The following GSTA3 variants were observed in gnomAD, a reference collection of about 807,000 sequenced individuals.
GSTA3 encodes the protein glutathione S-transferase A3.
A neutral mutation model predicts 23.1 loss-of-function variants in GSTA3; 16 were observed. That is an observed-to-expected ratio of 0.69 (90% confidence interval 0.47 to 1.05). The LOEUF is 1.05. Ranked by LOEUF, GSTA3 falls within the 50% of genes least tolerant of loss-of-function variation. The probability of loss-of-function intolerance (pLI) is 0.00; values close to 1 mark genes in which losing one functional copy is unlikely to be tolerated. For missense variants in GSTA3, 319 were observed against 263.6 expected, an observed-to-expected ratio of 1.21 and a Z score of -1.46; for synonymous variants, 122 against 91.0, an observed-to-expected ratio of 1.34 and a Z score of -1.94.
intron 6 of GSTA3, among the ~76,000 whole-genome samples, chr6:52,897,452 C>A (rs761896096): frequency 1.1e-4 from 16 of 152,090 alleles, no homozygotes; most frequent in African/African-American, 3.4e-4. Flanking sequence ...AAGGAAGGAA[C>A]CAGATGGAAA....
Position 52,900,066 on chromosome 6 carries a change from C to T in GSTA3, c.282G>A (p.Met94Ile). The T allele has an allele frequency of 6.2e-7, 1 of 1,600,714 alleles. No individual in the cohort carries two copies. Among genetic ancestry groups the T allele is most frequent in the Non-Finnish European group, 8.5e-7 (1 of 1,175,970 alleles). Residue 94 changes from methionine (M) to isoleucine (I), a missense_variant, in exon 5 of 7, where the codon ATG (methionine) becomes ATA (isoleucine). Met to Ile is a conservative substitution (Grantham distance 10, BLOSUM62 1). Coordinates refer to ENST00000211122, the MANE Select transcript of GSTA3 (RefSeq NM_000847.5). ...KDIKERALID[M>I]YTEGMADLNE... The stretch of plus-strand genomic sequence containing the variant: ...TCAAATCTGCCATACCTTCTGTATA[C>T]ATATCAATTCTGAAAGACAAAAACA...
intron 3 of GSTA3, among the ~76,000 whole-genome samples, chr6:52,903,058 T>C (rs1765747944): frequency 6.6e-6 from 1 of 152,202 alleles, no homozygotes; most frequent in East Asian, 1.9e-4. Context: ...TGTGGGATCC[T>C]GAGCTGATGA....
In GSTA3 at chr6:52,907,783, T is replaced by C. The variant is rs1475008140; in HGVS notation, c.-22+1858A>G. ...GGTGGGAATTGAACAATGAGAACAC[T>C]TGGACACAGGAAGGGGAATATCACA... On this transcript the variant is annotated intron_variant, in intron 1 of 6. Transcript: ENST00000211122. Among the ~76,000 whole-genome samples the C allele has an allele frequency of 4.6e-5, 6 of 131,612 alleles. No individual in the cohort carries two copies. In the South Asian group the frequency reaches 7.1e-4, roughly 16 times the overall value. The allele number at this position is 131,612 out of a possible 152,430, so 86.3% of individuals were successfully genotyped here. A position where few individuals can be genotyped will look rare whatever the true frequency, so the allele number is the denominator to read the frequency against.
Position 52,896,758 on chromosome 6 carries a change from A to G in GSTA3, c.*48T>C. 6.2e-7 allele frequency: 1 copy of G among 1,609,314 alleles called. No homozygotes were observed. The highest frequency in any genetic ancestry group is 1.3e-5 in the African/African-American group (1 of 74,646). On this transcript the variant is annotated 3_prime_UTR_variant, in exon 7 of 7. Coordinates refer to ENST00000211122, the MANE Select transcript of GSTA3 (RefSeq NM_000847.5). The stretch of plus-strand genomic sequence containing the variant: ...AAGTAAAGCACTTCATTGTTGCAAA[A>G]CTTTAGAATATTGGTCTTGCATGTT...
chr6:52,900,547 C>T (rs1444415692), intron 4 of GSTA3, among the ~76,000 whole-genome samples: 3 of 152,242 alleles, frequency 2.0e-5, no homozygotes, highest in Middle Eastern at 6.8e-3. Context: ...TAGGGGTGAG[C>T]CACCATGCCT....
At position 52,908,454 on chromosome 6, in the gene GSTA3, G is replaced by A. The variant is rs554325391; in HGVS notation, c.-22+1187C>T. Among the ~76,000 whole-genome samples, 113 of 152,268 alleles carry A rather than the reference G, an allele frequency of 7.4e-4. 3 individuals are homozygous for A. The South Asian group carries it at 0.022, about 30-fold the overall frequency. ...CACTTGAGCCCAAGATGTTAAGGCTGCAGTGAAACATGGCCACATCACTGC... is the reference window on the plus strand; with the variant it reads ...CACTTGAGCCCAAGATGTTAAGGCTACAGTGAAACATGGCCACATCACTGC... On this transcript the variant is annotated intron_variant, in intron 1 of 6. Coordinates refer to ENST00000211122, the MANE Select transcript of GSTA3 (RefSeq NM_000847.5).
In GSTA3 at chr6:52,899,954, A is replaced by G; in HGVS notation, c.394T>C (p.Tyr132His). 1 of 1,614,122 alleles carries G rather than the reference A, an allele frequency of 6.2e-7. No individual in the cohort carries two copies. ...CCTACTTTTTCGAAGGCAGGGAAAT[A>G]GCGACTTTTTGTTTTCTCTTTGATC... The part of the protein sequence containing the change: ...ALIKEKTKSR[Y>H]FPAFEKVLQS... Residue 132 changes from tyrosine (Y) to histidine (H), a missense_variant, in exon 5 of 7, where the codon TAT (tyrosine) becomes CAT (histidine). Coordinates refer to ENST00000211122, the MANE Select transcript of GSTA3 (RefSeq NM_000847.5).
intron 6 of GSTA3, among the ~76,000 whole-genome samples, chr6:52,897,591 C>T (rs546274082): frequency 7.2e-5 from 11 of 152,240 alleles, no homozygotes; most frequent in South Asian, 2.1e-4. Flanking sequence ...GGGTCCTTTC[C>T]GTGATAAAAG....
At chr6:52,906,948 C>A (rs1194200551) in intron 1 of GSTA3, among the ~76,000 whole-genome samples, 1 of 149,324 alleles carries the variant, frequency 6.7e-6, no homozygotes, top group Non-Finnish European at 1.5e-5. Flanking sequence ...GCAACAAAAG[C>A]CAAAATTGAC....
intron 2 of GSTA3, among the ~76,000 whole-genome samples, chr6:52,904,386 T>C (rs1765818363): frequency 6.6e-6 from 1 of 152,196 alleles, no homozygotes; most frequent in Non-Finnish European, 1.5e-5. Context: ...GCAGAGCTGA[T>C]GTCTGGGTGA....
In GSTA3 at chr6:52,905,899, C is replaced by T. The variant is rs901880905; in HGVS notation, c.-21-44G>A. The T allele has an allele frequency of 3.3e-5, 32 of 961,124 alleles. No individual in the cohort carries two copies. In the South Asian group the frequency reaches 3.7e-4, roughly 11 times the overall value. 59.5% of individuals were successfully genotyped at this position (961,124 alleles called of 1,614,324 possible). On this transcript the variant is annotated intron_variant, in intron 1 of 6. Coordinates refer to ENST00000211122, the MANE Select transcript of GSTA3 (RefSeq NM_000847.5). Reference sequence around the variant, plus strand: ...TGCATGAATGGATGAATGAATGAGTCTAGAGAAGCAAAATGCACGCTAGTA... The same window carrying T: ...TGCATGAATGGATGAATGAATGAGTTTAGAGAAGCAAAATGCACGCTAGTA...
rs759509466 is a variant in GSTA3, at chr6:52,896,945, A to G, written c.547-17T>C. 6 of 1,613,578 alleles carry G rather than the reference A, an allele frequency of 3.7e-6. No homozygotes were observed. The highest frequency in any genetic ancestry group is 5.1e-6 in the Non-Finnish European group (6 of 1,179,760). On this transcript the variant is annotated splice_polypyrimidine_tract_variant and intron_variant, in intron 6 of 6. Transcript: ENST00000211122. ...TTTCAGGGCCTGTAATTCACAAAGC[A>G]CAGCCTCAGAGTGAAGCCAAGGTCT...
In GSTA3 at chr6:52,896,850, C is replaced by T. The variant is rs766210649; in HGVS notation, c.625G>A (p.Asp209Asn). Residue 209 changes from aspartate to asparagine, a missense_variant, in exon 7 of 7, where the codon GAT (aspartate) becomes AAT (asparagine). Transcript: ENST00000211122. ...CTGGCTTCTTCTAAAGCTTTTGCAT[C>T]TGCGGGAGGCTTCCTTGGGCTGCCA... ...QPGSPRKPPADAKALEEARKI... is the reference protein window; with the variant it reads ...QPGSPRKPPANAKALEEARKI... 2 of 1,614,100 alleles carry T rather than the reference C, an allele frequency of 1.2e-6. No individual in the cohort carries two copies. The highest frequency in any genetic ancestry group is 1.7e-5 in the Admixed American group (1 of 60,028).
chr6:52,902,223 T>C, intron 4 of GSTA3, 123 bp downstream of exon 4: 4 of 1,168,712 alleles, frequency 3.4e-6, no homozygotes, highest in East Asian at 2.3e-5. Flanking sequence ...TGGACCTCAG[T>C]ATACACGCCC....
chr6:52,908,084 A>C (rs1765955672), intron 1 of GSTA3, among the ~76,000 whole-genome samples: 1 of 151,742 alleles, frequency 6.6e-6, no homozygotes, highest in Non-Finnish European at 1.5e-5. Flanking sequence ...CTTTAAGCAC[A>C]GTGTAGTGCA....
At chr6:52,899,458 C>A (rs142664748) in intron 5 of GSTA3, among the ~76,000 whole-genome samples, 4 of 152,274 alleles carry the variant, frequency 2.6e-5, no homozygotes, top group Non-Finnish European at 4.4e-5. Context: ...CCTCTCCACC[C>A]CACTGTCACT....
At position 52,902,407 on chromosome 6, in the gene GSTA3, T is replaced by G. The variant is rs1052661; in HGVS notation, c.211A>C (p.Ile71Leu). The G allele has an allele frequency of 7.3e-3, 11,768 of 1,613,964 alleles. 703 individuals are homozygous for G. The African/African-American group carries it at 0.13, about 18-fold the overall frequency. ...TATTTGCTGGCAATGTAGTTGAGAA[T>G]GGCTCTGGTCTGTACCAACTTCATC... ...DGMKLVQTRA[I>L]LNYIASKYNL... is the part of the protein sequence containing the mutation. Residue 71 changes from isoleucine to leucine, a missense_variant, in exon 4 of 7, where the codon ATT becomes CTT. Coordinates refer to ENST00000211122, the MANE Select transcript of GSTA3 (RefSeq NM_000847.5).
At chr6:52,908,358 A>G (rs567113060) in intron 1 of GSTA3, among the ~76,000 whole-genome samples, 48 of 152,132 alleles carry the variant, frequency 3.2e-4, no homozygotes, top group African/African-American at 1.1e-3. Flanking sequence ...CTCTATTTAA[A>G]AAAAAAATTA....
chr6:52,903,505 G>A (rs530716878), intron 3 of GSTA3, among the ~76,000 whole-genome samples, 171 bp downstream of exon 3: 1 of 151,586 alleles, frequency 6.6e-6, no homozygotes, highest in East Asian at 1.9e-4. Context: ...GCTGAGGCAG[G>A]AGAATGGCAT....
Sources: gnomAD v4.1 joint callset for allele counts (sites outside exome capture counted in the v4.1 genomes callset) on GRCh38, gnomAD v4.1.1 for gene constraint, MANE v1.5 for transcripts, NCBI Gene and HGNC (gene_info 2026-07-23, HGNC 2026-07-21) for gene names.